Variants in COL22A1 observed in about 807,000 individuals in gnomAD.
The protein encoded by COL22A1 is collagen alpha-1(XXII) chain.
In COL22A1, 221 loss-of-function variants were observed where a neutral mutation model predicts 248.9. The observed-to-expected ratio is 0.89, with a 90% CI of 0.80 to 0.99. The LOEUF (loss-of-function observed/expected upper bound fraction) is 0.99, where lower values mean the gene tolerates loss of function less well. Among genes scored for constraint, COL22A1 ranks in the 50% least tolerant of loss-of-function variants. The pLI is 0.00. For synonymous variants in COL22A1, 891 were observed against 793.4 expected, an observed-to-expected ratio of 1.12 and a Z score of -2.07; for missense variants, 2,240 against 2,179.0, an observed-to-expected ratio of 1.03 and a Z score of -0.56.
chr8:138,670,935 T>C (rs1309881490), intron 41 of COL22A1, among the ~76,000 whole-genome samples: 1 of 109,424 alleles, frequency 9.1e-6, no homozygotes, highest in Non-Finnish European at 1.7e-5. Context: ...CACTCCAGCT[T>C]GGGGGACAGA....
chr8:138,716,811 A>T lies in COL22A1; in HGVS notation c.2400+14T>A. 1 of 1,592,524 alleles carries T rather than the reference A, an allele frequency of 6.3e-7. No individual in the cohort carries two copies. The highest frequency in any genetic ancestry group is 8.6e-7 in the Non-Finnish European group (1 of 1,160,614). On this transcript the variant is annotated intron_variant, in intron 28 of 64. Transcript: ENST00000303045. ...ATGAATAAAATGAATGAATAAAAGC[A>T]CAAACAAACAGACCTTCTCTCCAGG... is the stretch of plus-strand genomic sequence containing the variant.
chr8:138,678,322 C>A (rs533233004), intron 40 of COL22A1, among the ~76,000 whole-genome samples: 11 of 152,268 alleles, frequency 7.2e-5, no homozygotes, highest in African/African-American at 2.6e-4. Context: ...TCCTTGACAT[C>A]ATTTCTTCCC....
At chr8:138,620,111 A>C (rs1261166366) in intron 52 of COL22A1, 1 of 155,540 alleles carries the variant, frequency 6.4e-6, no homozygotes. Context: ...TACTGCCCAC[A>C]GCTTGGCATT....
chr8:138,746,739 G>A (rs189717694), intron 22 of COL22A1, among the ~76,000 whole-genome samples: 5 of 152,108 alleles, frequency 3.3e-5, no homozygotes, highest in Admixed American at 6.5e-5. Flanking sequence ...TTTACTAGAC[G>A]CTGGGCCTTT....
chr8:138,599,688 G>T (rs1817844299), intron 60 of COL22A1, among the ~76,000 whole-genome samples: 1 of 152,108 alleles, frequency 6.6e-6, no homozygotes, highest in African/African-American at 2.4e-5. Flanking sequence ...TCATGCCACT[G>T]CACTCTAGCC....
chr8:138,794,335 C>G (rs1377713019), intron 12 of COL22A1, among the ~76,000 whole-genome samples: 1 of 151,222 alleles, frequency 6.6e-6, no homozygotes. Flanking sequence ...TGCAGTGAAC[C>G]AAGATCGTGC....
rs1828120964 is a variant in COL22A1 at position 138,703,324 on chromosome 8, A to T, written c.2541T>A (p.Pro847=). ...AACTTACAGTTCCAGGTAACCCGGG[A>T]GGGCCTGCAGGACCAGCTTCACCCT... The part of the protein sequence containing the change: ...GEKGEAGPAG[P]PGLPGTTSLF... The change falls in exon 31 of 65, where the codon CCT becomes CCA. Residue 847 remains proline, a synonymous_variant. Transcript: ENST00000303045. 6.2e-7 allele frequency: 1 copy of T among 1,613,632 alleles called. No individual in the cohort carries two copies. The highest frequency in any genetic ancestry group is 1.1e-5 in the South Asian group (1 of 91,064).
At chr8:138,730,243 C>G (rs1339277309) in intron 23 of COL22A1, among the ~76,000 whole-genome samples, 1 of 152,174 alleles carries the variant, frequency 6.6e-6, no homozygotes, top group Non-Finnish European at 1.5e-5. Flanking sequence ...CAACAGGTGA[C>G]AGGGTGTGGG....
intron 47 of COL22A1, among the ~76,000 whole-genome samples, chr8:138,638,710 A>G (rs537871501): frequency 6.6e-6 from 1 of 152,328 alleles, no homozygotes; most frequent in South Asian, 2.1e-4. Context: ...TTCTAAATCT[A>G]AATAAAGGCA....
chr8:138,744,703 G>A (rs750816699), intron 22 of COL22A1, among the ~76,000 whole-genome samples: 12 of 152,362 alleles, frequency 7.9e-5, no homozygotes, highest in Non-Finnish European at 1.2e-4. Flanking sequence ...GGAATTAAAT[G>A]AGAATCATGG....
chr8:138,632,990 T>C (rs1294234462), intron 49 of COL22A1, among the ~76,000 whole-genome samples: 3 of 152,202 alleles, frequency 2.0e-5, no homozygotes, highest in Admixed American at 2.0e-4. Context: ...ATAAGGATGC[T>C]GACTGAGCAC....
chr8:138,693,138 G>A (rs576873552), intron 35 of COL22A1, among the ~76,000 whole-genome samples: 5 of 152,278 alleles, frequency 3.3e-5, no homozygotes, highest in Admixed American at 1.3e-4. Flanking sequence ...CCAGCCCCAC[G>A]GGGATCAAAT....
chr8:138,846,650 G>A (rs1821266491), intron 3 of COL22A1, among the ~76,000 whole-genome samples: 1 of 152,136 alleles, frequency 6.6e-6, no homozygotes, highest in Non-Finnish European at 1.5e-5. Flanking sequence ...CACCTGCTTG[G>A]CAAGGAGGTA....
intron 1 of COL22A1, among the ~76,000 whole-genome samples, chr8:138,910,917 AC>A (rs1317831241): frequency 6.6e-6 from 1 of 152,128 alleles, no homozygotes; most frequent in Non-Finnish European, 1.5e-5. Context: ...TAACCACACC[AC>A]CCATGTTGAC....
chr8:138,856,416 G>A (rs367923211), intron 3 of COL22A1, among the ~76,000 whole-genome samples: 2 of 152,112 alleles, frequency 1.3e-5, no homozygotes, highest in South Asian at 2.1e-4. Flanking sequence ...GACAGCAAGA[G>A]AAAGAGAGAG....
chr8:138,635,185 T>A, intron 48 of COL22A1, 122 bp from the exon 49 acceptor site: 2 of 720,724 alleles, frequency 2.8e-6, no homozygotes, highest in Non-Finnish European at 4.4e-6. Flanking sequence ...CAATTTTGCT[T>A]AAAGACACTG....
intron 52 of COL22A1, among the ~76,000 whole-genome samples, chr8:138,620,941 GCATCCATCCATCCATC>G (rs754305152): frequency 2.8e-4 from 35 of 126,836 alleles, no homozygotes; most frequent in Middle Eastern, 4.2e-3. Context: ...AACCAACCAA[GCATCCATCCATCCATC>G]CATCCATCCA....
chr8:138,717,047 T>C (rs1292099484), intron 27 of COL22A1, among the ~76,000 whole-genome samples, 178 bp from the exon 28 acceptor site: 2 of 152,248 alleles, frequency 1.3e-5, no homozygotes, highest in African/African-American at 4.8e-5. Context: ...GTGTTTAGCA[T>C]TTTTGCAGAG....
At chr8:138,658,543 C>A (rs1256651967) in intron 44 of COL22A1, among the ~76,000 whole-genome samples, 1 of 152,212 alleles carries the variant, frequency 6.6e-6, no homozygotes, top group African/African-American at 2.4e-5. Context: ...TATTGTCACA[C>A]ACCGTGACTT....
Sources: allele counts gnomAD v4.1 joint callset (sites outside exome capture counted in the v4.1 genomes callset), GRCh38; gene constraint gnomAD v4.1.1; transcripts MANE v1.5; gene names NCBI Gene and HGNC (gene_info 2026-07-23, HGNC 2026-07-21).